The following GNA12 variants were observed in gnomAD, a reference collection of about 807,000 sequenced individuals.
The protein encoded by GNA12 is guanine nucleotide-binding protein subunit alpha-12.
A neutral mutation model predicts 26.0 loss-of-function variants in GNA12; 9 were observed. That is an observed-to-expected ratio of 0.35 (90% CI 0.21 to 0.60). The LOEUF (loss-of-function observed/expected upper bound fraction) is 0.60, where lower values mean the gene tolerates loss of function less well. Ranked by LOEUF, GNA12 falls within the 20% of genes least tolerant of loss-of-function variation. The pLI is 0.78. For synonymous variants in GNA12, 264 were observed against 219.6 expected, an observed-to-expected ratio of 1.20 and a Z score of -1.79; for missense variants, 405 against 525.8, an observed-to-expected ratio of 0.77 and a Z score of 2.25.
At chr7:2,839,645 A>G (rs1215250703) in intron 1 of GNA12, among the ~76,000 whole-genome samples, 1 of 152,150 alleles carries the variant, frequency 6.6e-6, no homozygotes, top group Non-Finnish European at 1.5e-5. Flanking sequence ...TGGCCTCCCA[A>G]AGTGCTGGGA....
At chr7:2,746,890 C>A (rs1404545830) in intron 2 of GNA12, among the ~76,000 whole-genome samples, 6 of 152,190 alleles carry the variant, frequency 3.9e-5, no homozygotes, top group Non-Finnish European at 8.8e-5. Flanking sequence ...ACTATCAACA[C>A]CTCTACGCAA....
chr7:2,831,061 A>G (rs955559869), intron 1 of GNA12, among the ~76,000 whole-genome samples: 12 of 152,106 alleles, frequency 7.9e-5, no homozygotes, highest in African/African-American at 2.9e-4. Context: ...CCTAGCACAT[A>G]AACACACACT....
At chr7:2,793,152 A>G (rs1394186389) in intron 2 of GNA12, among the ~76,000 whole-genome samples, 1 of 152,248 alleles carries the variant, frequency 6.6e-6, no homozygotes, top group Non-Finnish European at 1.5e-5. Flanking sequence ...ATACCTGGCC[A>G]GTGCTCTGGA....
At chr7:2,796,917 T>C (rs1340715852) in intron 1 of GNA12, among the ~76,000 whole-genome samples, 2 of 152,194 alleles carry the variant, frequency 1.3e-5, no homozygotes, top group South Asian at 4.1e-4. Flanking sequence ...AGGCAGTGTT[T>C]ATGAGAACTT....
At chr7:2,754,625 G>A (rs1229544332) in intron 2 of GNA12, among the ~76,000 whole-genome samples, 2 of 151,626 alleles carry the variant, frequency 1.3e-5, no homozygotes, top group African/African-American at 4.8e-5. Flanking sequence ...TTGCGTTCCT[G>A]TAGTCCCAGC....
At chr7:2,802,013 T>C (rs1313156538) in intron 1 of GNA12, among the ~76,000 whole-genome samples, 1 of 152,140 alleles carries the variant, frequency 6.6e-6, no homozygotes, top group African/African-American at 2.4e-5. Flanking sequence ...AGGCATATTA[T>C]AATAAACCTC....
At chr7:2,771,416 C>T (rs1347817696) in intron 2 of GNA12, among the ~76,000 whole-genome samples, 1 of 152,148 alleles carries the variant, frequency 6.6e-6, no homozygotes, top group Non-Finnish European at 1.5e-5. Context: ...GAGCAAACAC[C>T]CAAACAACTC....
At chr7:2,782,664 T>G (rs970786493) in intron 2 of GNA12, among the ~76,000 whole-genome samples, 13 of 152,132 alleles carry the variant, frequency 8.5e-5, no homozygotes, top group African/African-American at 3.1e-4. Context: ...TTGGTTTTTT[T>G]TTTTTAATCT....
intron 2 of GNA12, among the ~76,000 whole-genome samples, chr7:2,772,921 G>A (rs1429553029): frequency 6.6e-6 from 1 of 152,122 alleles, no homozygotes; most frequent in Non-Finnish European, 1.5e-5. Flanking sequence ...AATAAATTAT[G>A]GTGTATTCAT....
intron 2 of GNA12, among the ~76,000 whole-genome samples, chr7:2,783,303 G>A (rs1281037717): frequency 6.6e-6 from 1 of 152,172 alleles, no homozygotes; most frequent in Non-Finnish European, 1.5e-5. Flanking sequence ...TGGATCCATC[G>A]CACAGGGGTT....
chr7:2,814,318 C>T, intron 1 of GNA12: 4 of 1,548,758 alleles, frequency 2.6e-6, no homozygotes, highest in Non-Finnish European at 3.6e-6. Context: ...TCACCCTGGA[C>T]CCAGGGTGTG....
At chr7:2,795,415 G>A (rs1276665645) in intron 1 of GNA12, among the ~76,000 whole-genome samples, 1 of 152,110 alleles carries the variant, frequency 6.6e-6, no homozygotes, top group Non-Finnish European at 1.5e-5. Flanking sequence ...AGGACTGCTG[G>A]AACACAGGAG....
chr7:2,824,404 C>T (rs375935925), intron 1 of GNA12, among the ~76,000 whole-genome samples: 3 of 152,186 alleles, frequency 2.0e-5, no homozygotes, highest in South Asian at 2.1e-4. Flanking sequence ...TCTGGGTCTG[C>T]GGAGGCCTCT....
intron 1 of GNA12, among the ~76,000 whole-genome samples, chr7:2,827,149 T>C (rs2114969069): frequency 1.3e-5 from 2 of 152,336 alleles, no homozygotes; most frequent in Middle Eastern, 3.4e-3. Flanking sequence ...TCACATATTA[T>C]ATGATTCCAT....
At chr7:2,754,506 G>T (rs1215283692) in intron 2 of GNA12, among the ~76,000 whole-genome samples, 1 of 151,924 alleles carries the variant, frequency 6.6e-6, no homozygotes, top group Non-Finnish European at 1.5e-5. Context: ...ACTTTGGGAG[G>T]CCAGGGCAGG....
chr7:2,764,372 C>T (rs1328316981), intron 2 of GNA12, among the ~76,000 whole-genome samples: 3 of 152,052 alleles, frequency 2.0e-5, no homozygotes, highest in Admixed American at 1.3e-4. Context: ...CGTGTGCTCC[C>T]GCATCCAGGC....
At chr7:2,741,219 G>A (rs772142879) in intron 2 of GNA12, among the ~76,000 whole-genome samples, 8 of 152,238 alleles carry the variant, frequency 5.3e-5, no homozygotes, top group East Asian at 1.9e-4. Flanking sequence ...TAGGTGTGGC[G>A]GCACGCACAC....
chr7:2,787,188 G>A (rs73049362), intron 2 of GNA12, among the ~76,000 whole-genome samples: 16,204 of 152,166 alleles, frequency 0.11, 1,015 homozygotes, highest in Middle Eastern at 0.19. Flanking sequence ...GAGGTGGCCT[G>A]TGAATCCCTC....
At chr7:2,752,196 T>G (rs149097064) in intron 2 of GNA12, among the ~76,000 whole-genome samples, 33 of 152,164 alleles carry the variant, frequency 2.2e-4, no homozygotes, top group Middle Eastern at 3.4e-3. Flanking sequence ...AATGTTTCAA[T>G]AGATGCAGAA....
Sources: allele counts gnomAD v4.1 joint callset (sites outside exome capture counted in the v4.1 genomes callset), GRCh38; gene constraint gnomAD v4.1.1; transcripts MANE v1.5; gene names NCBI Gene and HGNC (gene_info 2026-07-23, HGNC 2026-07-21).